Variants in ZNF292 observed in about 807,000 individuals in gnomAD.
ZNF292 encodes zinc finger protein 292.
A neutral mutation model predicts 217.9 loss-of-function variants in ZNF292; 26 were observed. That is an observed-to-expected ratio of 0.12 (90% CI 0.09 to 0.17). The LOEUF is 0.17. Ranked by LOEUF, ZNF292 falls within the 10% of genes least tolerant of loss-of-function variation. The pLI is 1.00. For synonymous variants in ZNF292, 1,257 were observed against 1,124.1 expected (o/e 1.12, Z -2.37); for missense variants, 2,904 against 3,175.2 (o/e 0.91, Z 2.05).
At chr6:87,251,452 A>C (rs1442292465) in intron 7 of ZNF292, among the ~76,000 whole-genome samples, 1 of 152,170 alleles carries the variant, frequency 6.6e-6, no homozygotes, top group African/African-American at 2.4e-5. Context: ...AAGAGGGTAC[A>C]AAAGACAAAC....
intron 1 of ZNF292, among the ~76,000 whole-genome samples, chr6:87,187,950 A>G (rs2127781327): frequency 6.6e-6 from 1 of 152,268 alleles, no homozygotes; most frequent in Admixed American, 6.5e-5. Flanking sequence ...TTACTGCCAT[A>G]TGGGAATGCT....
At chr6:87,186,457 G>C (rs923380200) in intron 1 of ZNF292, among the ~76,000 whole-genome samples, 1 of 152,142 alleles carries the variant, frequency 6.6e-6, no homozygotes, top group Non-Finnish European at 1.5e-5. Flanking sequence ...AGTACACTTT[G>C]CATCTTCACT....
chr6:87,197,853 T>C (rs182104491), intron 1 of ZNF292, among the ~76,000 whole-genome samples: 1 of 152,250 alleles, frequency 6.6e-6, no homozygotes, highest in Non-Finnish European at 1.5e-5. Flanking sequence ...GTTTTCAGTC[T>C]TTGATTCTGG....
chr6:87,205,074 C>T (rs552293852), intron 1 of ZNF292, among the ~76,000 whole-genome samples: 4 of 152,008 alleles, frequency 2.6e-5, no homozygotes, highest in East Asian at 3.9e-4. Flanking sequence ...GGTTTTTTCC[C>T]GCTCTCCACT....
chr6:87,234,500 A>C lies in ZNF292; in HGVS notation c.741+973A>C, dbSNP rs1335053926. Among the ~76,000 whole-genome samples the C allele has an allele frequency of 2.0e-5, 3 of 151,924 alleles. No individual in the cohort carries two copies. The East Asian group carries it at 5.8e-4, about 29-fold the overall frequency. On this transcript the variant is annotated intron_variant, in intron 5 of 7. Transcript: ENST00000369577. Reference sequence around the variant, plus strand: ...TTTGAACCTGGGAGGTGGGGGTTGCAGTGAGCCAAGATCATGCCACTGCAC... The same window carrying C: ...TTTGAACCTGGGAGGTGGGGGTTGCCGTGAGCCAAGATCATGCCACTGCAC...
In ZNF292 at chr6:87,245,535, A is replaced by G; in HGVS notation, c.911A>G (p.Gln304Arg). ...ELTLFWSKLQ[Q>R]RVEPSIQVYL... The stretch of plus-strand genomic sequence containing the variant: ...ACTCTCTTTTGGAGTAAATTACAAC[A>G]AAGAGTAGAACCATCTATACAAGTG... Residue 304 changes from glutamine (Q) to arginine (R), a missense_variant, in exon 7 of 8, where the codon CAA becomes CGA. Around this residue, in one of 15 missense-constraint regions of ZNF292, gnomAD observed 313 missense variants for 451.0 expected, o/e 0.69. Coordinates refer to ENST00000369577, the MANE Select transcript of ZNF292 (RefSeq NM_015021.3). 8 of 1,536,564 alleles carry G rather than the reference A, an allele frequency of 5.2e-6. No individual in the cohort carries two copies. In the East Asian group the frequency reaches 1.9e-4, roughly 36 times the overall value.
At chr6:87,239,226 G>T (rs1261602376) in intron 5 of ZNF292, among the ~76,000 whole-genome samples, 1 of 152,204 alleles carries the variant, frequency 6.6e-6, no homozygotes, top group South Asian at 2.1e-4. Context: ...CGGCCGGGCA[G>T]AGGGGCTCCT....
chr6:87,218,296 C>T (rs930415489), intron 3 of ZNF292, among the ~76,000 whole-genome samples: 2 of 151,954 alleles, frequency 1.3e-5, no homozygotes, highest in African/African-American at 2.4e-5. Flanking sequence ...GTCTTTTATG[C>T]GTATGGATAT....
intron 1 of ZNF292, among the ~76,000 whole-genome samples, chr6:87,194,384 G>A (rs957394882): frequency 1.3e-5 from 2 of 151,998 alleles, no homozygotes; most frequent in East Asian, 3.8e-4. Flanking sequence ...TCAAATTAAT[G>A]AAGCAGAAAT....
chr6:87,214,506 T>A (rs1312743114), intron 1 of ZNF292, among the ~76,000 whole-genome samples: 1 of 152,128 alleles, frequency 6.6e-6, no homozygotes, highest in Non-Finnish European at 1.5e-5. Flanking sequence ...TGGGAAAGAT[T>A]GCAGTGTTTT....
intron 5 of ZNF292, among the ~76,000 whole-genome samples, chr6:87,240,719 C>T (rs1774235100): frequency 6.6e-6 from 1 of 152,118 alleles, no homozygotes; most frequent in African/African-American, 2.4e-5. Flanking sequence ...CGGGCCCAGC[C>T]TAAGAGTGGC....
At chr6:87,190,709 G>A (rs369273641) in intron 1 of ZNF292, among the ~76,000 whole-genome samples, 1 of 152,014 alleles carries the variant, frequency 6.6e-6, no homozygotes, top group East Asian at 1.9e-4. Flanking sequence ...CCTGACCTCA[G>A]GTGATTTGCC....
chr6:87,156,573 C>T (rs1770547690), intron 1 of ZNF292, among the ~76,000 whole-genome samples: 1 of 152,186 alleles, frequency 6.6e-6, no homozygotes, highest in Admixed American at 6.5e-5. Flanking sequence ...TCCTTTCTGT[C>T]CCGATCACCC....
In ZNF292 at chr6:87,261,736, G is replaced by C; in HGVS notation, c.8107G>C (p.Asp2703His). ...GAAAAAACTTGAAGTACATTCAAAT[G>C]ATCCAGATATGTCTGTTATGAAAGA... ...SLKKLEVHSN[D>H]PDMSVMKDIS... The change falls in exon 8 of 8, where the codon GAT (aspartate) becomes CAT (histidine). Residue 2703 changes from aspartate (D) to histidine (H), a missense_variant. Transcript: ENST00000369577. The C allele has an allele frequency of 6.2e-7, 1 of 1,612,976 alleles. No homozygotes were observed. Among genetic ancestry groups the C allele is most frequent in the Admixed American group, 1.7e-5 (1 of 59,916 alleles).
chr6:87,195,162 G>A (rs1771918781), intron 1 of ZNF292, among the ~76,000 whole-genome samples: 1 of 152,180 alleles, frequency 6.6e-6, no homozygotes, highest in African/African-American at 2.4e-5. Flanking sequence ...TTAACATAGT[G>A]TTAGTAGTTT....
intron 1 of ZNF292, among the ~76,000 whole-genome samples, chr6:87,178,376 G>A (rs1440706725): frequency 6.6e-6 from 1 of 152,104 alleles, no homozygotes; most frequent in Admixed American, 6.5e-5. Flanking sequence ...CCTTTAAGAA[G>A]CTGTTCTTTA....
chr6:87,193,914 C>T (rs768227158), intron 1 of ZNF292, among the ~76,000 whole-genome samples: 2 of 152,138 alleles, frequency 1.3e-5, no homozygotes, highest in African/African-American at 2.4e-5. Flanking sequence ...GATACTCAGC[C>T]TGTACTAATT....
chr6:87,195,234 G>A (rs1478426028), intron 1 of ZNF292, among the ~76,000 whole-genome samples: 1 of 152,156 alleles, frequency 6.6e-6, no homozygotes, highest in Non-Finnish European at 1.5e-5. Flanking sequence ...GTAAAAGGAG[G>A]ATTTGCCTTT....
At chr6:87,212,602 A>G (rs4099965) in intron 1 of ZNF292, among the ~76,000 whole-genome samples, 8,023 of 152,322 alleles carry the variant, frequency 0.053, 247 homozygotes, top group Non-Finnish European at 0.071. Flanking sequence ...TTATTATACC[A>G]TACTTGTATG....
Sources: gnomAD v4.1 joint callset for allele counts (sites outside exome capture counted in the v4.1 genomes callset) on GRCh38, gnomAD v4.1.1 for gene constraint, gnomAD v4.1.1 regional missense constraint, MANE v1.5 for transcripts, NCBI Gene and HGNC (gene_info 2026-07-23, HGNC 2026-07-21) for gene names.